CDYL2: variants seen among roughly 807,000 people sequenced by gnomAD.
CDYL2 encodes chromodomain Y like 2, also known as chromodomain Y-like protein 2.
A neutral mutation model predicts 49.4 loss-of-function variants in CDYL2; 23 were observed. The observed-to-expected ratio is 0.47, with a 90% CI of 0.34 to 0.66. The LOEUF (loss-of-function observed/expected upper bound fraction) is 0.66. Ranked by LOEUF, CDYL2 falls within the 30% of genes least tolerant of loss-of-function variation. CDYL2 has a pLI of 0.01. For missense variants in CDYL2, 678 were observed against 656.4 expected (o/e 1.03, Z -0.36); for synonymous variants, 360 against 268.8 (o/e 1.34, Z -3.32).
intron 1 of CDYL2, among the ~76,000 whole-genome samples, chr16:80,720,840 G>C (rs1402346473): frequency 1.3e-5 from 2 of 152,182 alleles, no homozygotes; most frequent in African/African-American, 2.4e-5. Flanking sequence ...AATATACCCT[G>C]AGAGCCGTCC....
At chr16:80,737,752 A>G in intron 1 of CDYL2, among the ~76,000 whole-genome samples, 1 of 152,200 alleles carries the variant, frequency 6.6e-6, no homozygotes. Context: ...AAGGCTGAGA[A>G]TCTGCATTTC....
At chr16:80,701,826 A>G (rs1202174706) in intron 1 of CDYL2, among the ~76,000 whole-genome samples, 1 of 152,228 alleles carries the variant, frequency 6.6e-6, no homozygotes, top group East Asian at 1.9e-4. Flanking sequence ...AATTAAATAA[A>G]AATAGCCAAG....
At chr16:80,732,576 C>G (rs1020164858) in intron 1 of CDYL2, among the ~76,000 whole-genome samples, 2 of 152,190 alleles carry the variant, frequency 1.3e-5, no homozygotes, top group Non-Finnish European at 2.9e-5. Context: ...AAGGGAACTA[C>G]TTTACCTATT....
chr16:80,759,138 A>ATATATATAT (rs1906436532), intron 1 of CDYL2, among the ~76,000 whole-genome samples: 1 of 95,818 alleles, frequency 1.0e-5, no homozygotes, highest in African/African-American at 4.1e-5. Context: ...ATATATATAT[A>ATATATATAT]TGGTTTATAT....
intron 1 of CDYL2, among the ~76,000 whole-genome samples, chr16:80,692,488 C>T (rs1288339519): frequency 6.6e-6 from 1 of 152,152 alleles, no homozygotes; most frequent in Non-Finnish European, 1.5e-5. Flanking sequence ...ACAGGTACTT[C>T]AGAGAACAAT....
chr16:80,781,514 G>A (rs1386164751), intron 1 of CDYL2, among the ~76,000 whole-genome samples: 1 of 152,014 alleles, frequency 6.6e-6, no homozygotes. Flanking sequence ...ATGACTTGAA[G>A]AACACTGTAA....
Position 80,632,088 on chromosome 16 carries a change from A to T in CDYL2, c.834+931T>A, listed in dbSNP as rs768083886. Among the ~76,000 whole-genome samples the T allele has an allele frequency of 5.9e-5, 9 of 152,336 alleles. No homozygotes were observed. The East Asian group carries it at 1.5e-3, about 26-fold the overall frequency. ...TAGAAATATATCCAAGAAACCTGAA[A>T]ATATATGTTCACATAAAAACTTGTA... On this transcript the variant is annotated intron_variant, in intron 3 of 6. Coordinates refer to ENST00000570137, the MANE Select transcript of CDYL2 (RefSeq NM_152342.4).
chr16:80,699,091 T>C (rs1005738085), intron 1 of CDYL2, among the ~76,000 whole-genome samples: 7 of 151,930 alleles, frequency 4.6e-5, no homozygotes, highest in African/African-American at 1.7e-4. Flanking sequence ...ACATGGAAAA[T>C]AGAAAGGAGG....
intron 1 of CDYL2, among the ~76,000 whole-genome samples, chr16:80,688,929 G>A (rs1373662784): frequency 2.0e-5 from 3 of 152,234 alleles, no homozygotes; most frequent in African/African-American, 4.8e-5. Context: ...ACAAAAAACA[G>A]AGAGCTGGTA....
chr16:80,694,236 G>C (rs1910532982), intron 1 of CDYL2, among the ~76,000 whole-genome samples: 2 of 152,218 alleles, frequency 1.3e-5, no homozygotes. Flanking sequence ...TGCCACTGCT[G>C]ATCTGGCAGG....
chr16:80,728,268 G>A (rs1905227400), intron 1 of CDYL2, among the ~76,000 whole-genome samples: 1 of 152,092 alleles, frequency 6.6e-6, no homozygotes, highest in Admixed American at 6.5e-5. Flanking sequence ...TGATGGAGCT[G>A]AAAGCCAAAG....
upstream of CDYL2, among the ~76,000 whole-genome samples, chr16:80,804,825 G>C (rs1344447059): frequency 6.6e-6 from 1 of 151,456 alleles, no homozygotes; most frequent in East Asian, 2.0e-4. Context: ...CGGCCGGGGA[G>C]CCAGGTAGAG....
chr16:80,705,979 G>A (rs150834468), intron 1 of CDYL2, among the ~76,000 whole-genome samples: 388 of 152,260 alleles, frequency 2.5e-3, no homozygotes, highest in African/African-American at 5.1e-3. Context: ...AGCATCTACC[G>A]TATGCTGGAC....
At chr16:80,634,361 G>A (rs1337900244) in intron 2 of CDYL2, among the ~76,000 whole-genome samples, 1 of 152,144 alleles carries the variant, frequency 6.6e-6, no homozygotes, top group Non-Finnish European at 1.5e-5. Context: ...ATAGATGAAG[G>A]TGGGAACTAT....
At chr16:80,640,940 A>G (rs1435714578) in intron 2 of CDYL2, among the ~76,000 whole-genome samples, 1 of 152,228 alleles carries the variant, frequency 6.6e-6, no homozygotes, top group Non-Finnish European at 1.5e-5. Flanking sequence ...ACAGTGAAGC[A>G]TGCCTACAGG....
At chr16:80,619,982 C>A (rs987857364) in intron 4 of CDYL2, among the ~76,000 whole-genome samples, 1 of 152,162 alleles carries the variant, frequency 6.6e-6, no homozygotes, top group African/African-American at 2.4e-5. Context: ...TCCGTGACAC[C>A]ATGTGGAGTA....
intron 1 of CDYL2, among the ~76,000 whole-genome samples, chr16:80,717,668 G>C (rs1597096255): frequency 6.6e-6 from 1 of 152,350 alleles, no homozygotes; most frequent in East Asian, 1.9e-4. Context: ...ATCTGCTAGG[G>C]GCATGGAGCA....
chr16:80,637,667 T>A (rs1907899786), intron 2 of CDYL2, among the ~76,000 whole-genome samples: 1 of 131,094 alleles, frequency 7.6e-6, no homozygotes, highest in Non-Finnish European at 1.5e-5. Flanking sequence ...TTTAAAAAAA[T>A]ACTGTTTTAA....
chr16:80,648,934 A>G (rs1211801203), intron 2 of CDYL2, among the ~76,000 whole-genome samples: 1 of 152,186 alleles, frequency 6.6e-6, no homozygotes, highest in African/African-American at 2.4e-5. Flanking sequence ...CACATTTGAT[A>G]TAATTCAACA....
Sources: allele counts gnomAD v4.1 joint callset (sites outside exome capture counted in the v4.1 genomes callset), GRCh38; gene constraint gnomAD v4.1.1; transcripts MANE v1.5; gene names NCBI Gene and HGNC (gene_info 2026-07-23, HGNC 2026-07-21).